ZNF844: variants seen among roughly 807,000 people sequenced by gnomAD.
The protein encoded by ZNF844 is zinc finger protein 844.
Under a neutral mutation model 11.4 loss-of-function variants are expected in ZNF844, and 11 were observed. The observed-to-expected ratio is 0.97, with a 90% CI of 0.61 to 1.60. ZNF844 has a LOEUF of 1.60. ZNF844 is among the 40% of genes most tolerant of loss of function. The pLI, the probability that ZNF844 is intolerant of heterozygous loss-of-function variation, is 0.00. For synonymous variants in ZNF844, 248 were observed against 260.3 expected (o/e 0.95, Z 0.46); for missense variants, 790 against 796.8 (o/e 0.99, Z 0.10).
At position 12,077,211 on chromosome 19, in the gene ZNF844, T is replaced by G. The variant is rs1413175533; in HGVS notation, c.*90T>G. The G allele has an allele frequency of 5.5e-5, 87 of 1,591,846 alleles. 1 individual carries two copies. In the East Asian group the frequency reaches 1.9e-3, roughly 36 times the overall value. ...AAGGATTCACACTGGAGAGAAACCC[T>G]ATGAGTGTAAGCAGTGTGGTAAAGC... On this transcript the variant is annotated 3_prime_UTR_variant, in exon 4 of 4. Transcript: ENST00000439326.
At position 12,075,456 on chromosome 19, in the gene ZNF844, C is replaced by T. The variant is rs374641364; in HGVS notation, c.336C>T (p.Phe112=). Residue 112 remains phenylalanine (F), a synonymous_variant, in exon 4 of 4, where the codon TTC becomes TTT. Transcript: ENST00000439326. ...AAAGCAGTGTGTGTGGAGAAGTCTT[C>T]GTGGGTCATTCTTCCCTTAATAGGC... ...SCESSVCGEV[F]VGHSSLNRHI... 24 of 1,612,740 alleles carry T rather than the reference C, an allele frequency of 1.5e-5. No homozygotes were observed. Among genetic ancestry groups the T allele is most frequent in the African/African-American group, 6.7e-5 (5 of 74,972 alleles).
At chr19:12,066,926 G>T (rs374392825) in intron 1 of ZNF844, among the ~76,000 whole-genome samples, 1 of 152,228 alleles carries the variant, frequency 6.6e-6, no homozygotes. Flanking sequence ...GAAGCAGTTG[G>T]CTAGATCTCT....
intron 1 of ZNF844, among the ~76,000 whole-genome samples, chr19:12,073,521 A>G (rs1291165369): frequency 6.6e-6 from 1 of 151,006 alleles, no homozygotes; most frequent in African/African-American, 2.4e-5. Flanking sequence ...TGCCTCTCTT[A>G]TCAGTTGGGT....
Position 12,077,468 on chromosome 19 carries a change from A to C in ZNF844, c.*347A>C. The C allele has an allele frequency of 3.3e-6, 2 of 602,092 alleles. No individual in the cohort carries two copies. Among genetic ancestry groups the C allele is most frequent in the Admixed American group, 2.0e-5 (1 of 50,662 alleles). 37.3% of individuals were successfully genotyped at this position (602,092 alleles called of 1,614,324 possible). A position where few individuals can be genotyped will look rare whatever the true frequency, so the allele number is the denominator to read the frequency against. On this transcript the variant is annotated 3_prime_UTR_variant, in exon 4 of 4. Transcript: ENST00000439326. ...CCCACACCAGAGAGAAACACTATGA[A>C]TGTAAGCAGTGTGGGAAAGCCTTCA...
Position 12,076,079 on chromosome 19 carries a change from G to T in ZNF844, c.959G>T (p.Cys320Phe), listed in dbSNP as rs1169567705. 1.9e-6 allele frequency: 3 copies of T among 1,563,686 alleles called. No homozygotes were observed. In the South Asian group the frequency reaches 3.5e-5, roughly 18 times the overall value. Reference sequence around the variant, plus strand: ...ACCAAATGTGGGAAAGCATTCAAGTGTCCCAGTTATCTTTGTAGACATGAA... The same window carrying T: ...ACCAAATGTGGGAAAGCATTCAAGTTTCCCAGTTATCTTTGTAGACATGAA... ...ECTKCGKAFK[C>F]PSYLCRHEVT... Residue 320 changes from cysteine (C) to phenylalanine (F), a missense_variant, in exon 4 of 4, where the codon TGT becomes TTT. Physicochemically the swap from Cys to Phe is radical, Grantham distance 205. This residue lies in a region of ZNF844 where 657 missense variants were observed against 636.2 expected (regional missense o/e 1.03). Transcript: ENST00000439326.
Position 12,076,632 on chromosome 19 carries a change from G to C in ZNF844, c.1512G>C (p.Met504Ile). The part of the protein sequence containing the change: ...MKGLTLERNP[M>I]SVSNVGKPSH... ...GACTCACACTGGAGAGAAACCCTAT[G>C]AGTGTAAGCAATGTGGGAAAGCCTT... is the stretch of plus-strand genomic sequence containing the variant. Residue 504 changes from methionine (M) to isoleucine (I), a missense_variant, in exon 4 of 4, where the codon ATG (methionine) becomes ATC (isoleucine). Physicochemically the swap from Met to Ile is conservative, Grantham distance 10. This residue lies in a region of ZNF844 where 657 missense variants were observed against 636.2 expected (regional missense o/e 1.03). Transcript: ENST00000439326. The C allele has an allele frequency of 2.5e-6, 4 of 1,613,572 alleles. No individual in the cohort carries two copies. Among genetic ancestry groups the C allele is most frequent in the Non-Finnish European group, 3.4e-6 (4 of 1,179,834 alleles).
Position 12,075,335 on chromosome 19 carries a change from A to G in ZNF844, c.215A>G (p.Asp72Gly). The change falls in exon 4 of 4, where the codon GAT (aspartate) becomes GGT (glycine). Residue 72 changes from aspartate (D) to glycine (G), a missense_variant. Coordinates refer to ENST00000439326, the MANE Select transcript of ZNF844 (RefSeq NM_001136501.3). ...AGAAGTCTTCTGGGAGAGAGAGTTG[A>G]TGAAAATACAGAAGAAAATCATTGT... ...NLRSLLGERV[D>G]ENTEENHCGE... 1 of 1,473,922 alleles carries G rather than the reference A, an allele frequency of 6.8e-7. No individual in the cohort carries two copies. Among genetic ancestry groups the G allele is most frequent in the South Asian group, 1.4e-5 (1 of 70,854 alleles). 91.3% of individuals were successfully genotyped at this position (1,473,922 alleles called of 1,614,324 possible). A position where few individuals can be genotyped will look rare whatever the true frequency, so the allele number is the denominator to read the frequency against.
Position 12,076,085 on chromosome 19 carries a change from G to C in ZNF844, c.965G>C (p.Ser322Thr). The C allele has an allele frequency of 3.8e-6, 6 of 1,564,310 alleles. No homozygotes were observed. The highest frequency in any genetic ancestry group is 5.2e-6 in the Non-Finnish European group (6 of 1,153,744). The change falls in exon 4 of 4, where the codon AGT (serine) becomes ACT (threonine). Residue 322 changes from serine to threonine, a missense_variant. This residue lies in a region of ZNF844 where 657 missense variants were observed against 636.2 expected (regional missense o/e 1.03). Transcript: ENST00000439326. ...TKCGKAFKCP[S>T]YLCRHEVTHS... Reference sequence around the variant, plus strand: ...TGTGGGAAAGCATTCAAGTGTCCCAGTTATCTTTGTAGACATGAAGTGACC... The same window carrying C: ...TGTGGGAAAGCATTCAAGTGTCCCACTTATCTTTGTAGACATGAAGTGACC...
chr19:12,064,844 T>C lies in ZNF844; in HGVS notation c.-30T>C, dbSNP rs1217929745. On this transcript the variant is annotated 5_prime_UTR_variant, in exon 1 of 4. Transcript: ENST00000439326. ...CCTGTCGTCTGTGTTGTGACTGCTT[T>C]GGACGTGGGAGTCACCTGAAAGCCA... The C allele has an allele frequency of 6.5e-7, 1 of 1,549,360 alleles. No individual in the cohort carries two copies. Among genetic ancestry groups the C allele is most frequent in the Admixed American group, 2.0e-5 (1 of 50,816 alleles).
At position 12,076,809 on chromosome 19, in the gene ZNF844, G is replaced by A. The variant is rs866678097; in HGVS notation, c.1689G>A (p.Met563Ile). 1.3e-6 allele frequency: 2 copies of A among 1,562,734 alleles called. No homozygotes were observed. The highest frequency in any genetic ancestry group is 2.7e-5 in the African/African-American group (2 of 73,194). ...HTLERNPIRN[M>I]EKHSTISLPF... is the part of the protein sequence containing the mutation. ...TGGAGAGAAACCCTATAAGGAATAT[G>A]GAAAAGCATTCAACAATTTCTCTTC... is the stretch of plus-strand genomic sequence containing the variant. Residue 563 changes from methionine (M) to isoleucine (I), a missense_variant, in exon 4 of 4, where the codon ATG becomes ATA. By Grantham distance (10) the Met-to-Ile change is conservative. Transcript: ENST00000439326.
chr19:12,075,370 T>A lies in ZNF844; in HGVS notation c.250T>A (p.Ser84Thr). The change falls in exon 4 of 4, where the codon TCT becomes ACT. Residue 84 changes from serine to threonine, a missense_variant. Physicochemically the swap from Ser to Thr is moderately conservative, Grantham distance 58. Around this residue, in one of 3 missense-constraint regions of ZNF844, gnomAD observed 129 missense variants for 144.0 expected, o/e 0.90. Coordinates refer to ENST00000439326, the MANE Select transcript of ZNF844 (RefSeq NM_001136501.3). ...NTEENHCGET[S>T]SQIPDDTLNK... ...AGAAGAAAATCATTGTGGAGAAACTTCTAGCCAGATTCCAGATGACACACT... is the reference window on the plus strand; with the variant it reads ...AGAAGAAAATCATTGTGGAGAAACTACTAGCCAGATTCCAGATGACACACT... 6.4e-7 allele frequency: 1 copy of A among 1,560,284 alleles called. No individual in the cohort carries two copies. Among genetic ancestry groups the A allele is most frequent in the Non-Finnish European group, 8.7e-7 (1 of 1,155,264 alleles).
chr19:12,080,812 G>A lies in ZNF844; in HGVS notation c.*3691G>A, dbSNP rs1014485393. ...TCTGTCACCCAGGCTGGAGTAGAGT[G>A]GCATTATCCTGGCTCATTGCAATCT... On this transcript the variant is annotated 3_prime_UTR_variant, in exon 4 of 4. Transcript: ENST00000439326. The A allele has an allele frequency of 1.5e-4, 23 of 152,236 alleles. No individual in the cohort carries two copies. Among genetic ancestry groups the A allele is most frequent in the African/African-American group, 5.6e-4 (23 of 41,382 alleles). The allele number at this position is 152,236 out of a possible 1,614,324, so 9.4% of individuals were successfully genotyped here.
At position 12,074,007 on chromosome 19, in the gene ZNF844, C is replaced by A. The variant is rs752082407; in HGVS notation, c.4-24C>A. The A allele has an allele frequency of 2.5e-6, 4 of 1,607,694 alleles. No individual in the cohort carries two copies. In the South Asian group the frequency reaches 4.4e-5, roughly 18 times the overall value. Reference sequence around the variant, plus strand: ...AGTGCTGTCAGTCTCACCCATCCTCCTCTATACATGTGGGATGTTTCAGGA... The same window carrying A: ...AGTGCTGTCAGTCTCACCCATCCTCATCTATACATGTGGGATGTTTCAGGA... On this transcript the variant is annotated intron_variant, in intron 1 of 3. Transcript: ENST00000439326.
chr19:12,076,186 A>C lies in ZNF844; in HGVS notation c.1066A>C (p.Lys356Gln), dbSNP rs61998199. 35 of 1,587,246 alleles carry C rather than the reference A, an allele frequency of 2.2e-5. No homozygotes were observed. Among genetic ancestry groups the C allele is most frequent in the Non-Finnish European group, 2.9e-5 (34 of 1,166,094 alleles). ...LSYLNFQRHM[K>Q]MHTRMRPYKC... Reference sequence around the variant, plus strand: ...TTATCTTAACTTTCAAAGACACATGAAAATGCACACTAGAATGAGACCTTA... The same window carrying C: ...TTATCTTAACTTTCAAAGACACATGCAAATGCACACTAGAATGAGACCTTA... Residue 356 changes from lysine (K) to glutamine (Q), a missense_variant, in exon 4 of 4, where the codon AAA (lysine) becomes CAA (glutamine). This residue lies in a region of ZNF844 where 657 missense variants were observed against 636.2 expected (regional missense o/e 1.03). Transcript: ENST00000439326.
chr19:12,066,939 G>C (rs563033923), intron 1 of ZNF844, among the ~76,000 whole-genome samples: 1 of 152,216 alleles, frequency 6.6e-6, no homozygotes, highest in African/African-American at 2.4e-5. Flanking sequence ...AGATCTCTTT[G>C]ACTGCCATAA....
chr19:12,072,987 A>G (rs1975767624), intron 1 of ZNF844, among the ~76,000 whole-genome samples: 1 of 152,220 alleles, frequency 6.6e-6, no homozygotes, highest in South Asian at 2.1e-4. Context: ...CTCCAGCATC[A>G]TGGGGTGCCT....
In ZNF844 at chr19:12,075,556, C is replaced by A. The variant is rs376541073; in HGVS notation, c.436C>A (p.Arg146Ser). ...YGQEPYKCQQ[R>S]KKAFRCHPSF... Reference sequence around the variant, plus strand: ...ACAGGAGCCATATAAGTGTCAACAACGTAAGAAAGCCTTCAGATGTCACCC... The same window carrying A: ...ACAGGAGCCATATAAGTGTCAACAAAGTAAGAAAGCCTTCAGATGTCACCC... The change falls in exon 4 of 4, where the codon CGT (arginine) becomes AGT (serine). Residue 146 changes from arginine to serine, a missense_variant. Physicochemically the swap from Arg to Ser is moderately radical, Grantham distance 110 (BLOSUM62 -1). Transcript: ENST00000439326. 1 of 1,614,042 alleles carries A rather than the reference C, an allele frequency of 6.2e-7. No homozygotes were observed. Among genetic ancestry groups the A allele is most frequent in the East Asian group, 2.2e-5 (1 of 44,864 alleles).
At chr19:12,071,144 A>C (rs530074247) in intron 1 of ZNF844, among the ~76,000 whole-genome samples, 1 of 152,108 alleles carries the variant, frequency 6.6e-6, no homozygotes, top group Non-Finnish European at 1.5e-5. Context: ...TTTCCTCCCC[A>C]CGTTCCAGAA....
chr19:12,072,035 C>T (rs1975758603), intron 1 of ZNF844, among the ~76,000 whole-genome samples: 1 of 151,926 alleles, frequency 6.6e-6, no homozygotes, highest in African/African-American at 2.4e-5. Context: ...TCCAGGCATC[C>T]ACCACCATGC....
Sources: allele counts gnomAD v4.1 joint callset (sites outside exome capture counted in the v4.1 genomes callset), GRCh38; gene constraint gnomAD v4.1.1; regional missense constraint gnomAD v4.1.1; transcripts MANE v1.5; gene names NCBI Gene and HGNC (gene_info 2026-07-23, HGNC 2026-07-21).